The following PDE3B variants were observed in gnomAD, a reference collection of about 807,000 sequenced individuals.
The protein encoded by PDE3B is cGMP-inhibited 3',5'-cyclic phosphodiesterase 3B.
PDE3B carries 66 observed loss-of-function variants against 116.8 expected under a neutral mutation model. That is an observed-to-expected ratio of 0.56 (90% CI 0.46 to 0.69). PDE3B has a LOEUF of 0.69. PDE3B is among the 30% of genes least tolerant of loss of function. The pLI is 0.00. For missense variants in PDE3B, 1,384 were observed against 1,368.1 expected, an observed-to-expected ratio of 1.01 and a Z score of -0.18; for synonymous variants, 595 against 533.6, an observed-to-expected ratio of 1.12 and a Z score of -1.59.
intron 1 of PDE3B, among the ~76,000 whole-genome samples, chr11:14,687,895 A>G (rs1854921413): frequency 6.6e-6 from 1 of 152,172 alleles, no homozygotes; most frequent in Non-Finnish European, 1.5e-5. Flanking sequence ...TCATCAACAT[A>G]CAATTTCTTT....
chr11:14,722,327 G>A (rs966781967), intron 1 of PDE3B, among the ~76,000 whole-genome samples: 1 of 151,660 alleles, frequency 6.6e-6, no homozygotes, highest in African/African-American at 2.4e-5. Context: ...AAAAAGAAAA[G>A]GGGAAAAATC....
intron 1 of PDE3B, among the ~76,000 whole-genome samples, chr11:14,672,164 A>C (rs1391559844): frequency 6.6e-6 from 1 of 151,248 alleles, no homozygotes; most frequent in Non-Finnish European, 1.5e-5. Context: ...TGAGTTTCTT[A>C]AGCACAAGGA....
intron 1 of PDE3B, among the ~76,000 whole-genome samples, chr11:14,749,825 T>G (rs929659780): frequency 1.4e-4 from 20 of 141,132 alleles, no homozygotes; most frequent in African/African-American, 5.2e-4. Context: ...TCCTCCTATA[T>G]CCCATAAATA....
At chr11:14,660,919 A>G (rs562778206) in intron 1 of PDE3B, among the ~76,000 whole-genome samples, 1 of 152,336 alleles carries the variant, frequency 6.6e-6, no homozygotes, top group East Asian at 1.9e-4. Context: ...ACATGAAAAA[A>G]TGCTCATCAT....
rs1853323894 is a variant in PDE3B at position 14,644,626 on chromosome 11, C to T, written c.551C>T (p.Ala184Val). The T allele has an allele frequency of 3.3e-6, 5 of 1,519,596 alleles. No homozygotes were observed. Among genetic ancestry groups the T allele is most frequent in the Non-Finnish European group, 4.4e-6 (5 of 1,136,354 alleles). The allele number at this position is 1,519,596 out of a possible 1,614,324, so 94.1% of individuals were successfully genotyped here. Residue 184 changes from alanine (A) to valine (V), a missense_variant, in exon 1 of 16, where the codon GCG becomes GTG. Coordinates refer to ENST00000282096, the MANE Select transcript of PDE3B (RefSeq NM_000922.4). ...TGGGGGGATGGCGACGCAGGGTCCG[C>T]GGCCCCGCACACGCCCCCGGAGGCG... ...WPWGDGDAGS[A>V]APHTPPEAAA...
At chr11:14,737,190 G>T (rs1285583775) in intron 1 of PDE3B, among the ~76,000 whole-genome samples, 1 of 129,820 alleles carries the variant, frequency 7.7e-6, no homozygotes, top group Non-Finnish European at 1.6e-5. Flanking sequence ...AGACCAACAG[G>T]CTGCCTTCTT....
chr11:14,743,745 G>C (rs73412663), intron 1 of PDE3B, among the ~76,000 whole-genome samples: 1 of 152,070 alleles, frequency 6.6e-6, no homozygotes, highest in African/African-American at 2.4e-5. Context: ...TGGGAAATGC[G>C]TACTATCTGG....
chr11:14,859,922 T>G (rs1423828757), intron 13 of PDE3B, among the ~76,000 whole-genome samples: 1 of 152,152 alleles, frequency 6.6e-6, no homozygotes, highest in Non-Finnish European at 1.5e-5. Context: ...TGAGAACCAC[T>G]GCTTTAGATT....
At chr11:14,802,339 T>C (rs954147395) in intron 4 of PDE3B, among the ~76,000 whole-genome samples, 3 of 152,174 alleles carry the variant, frequency 2.0e-5, no homozygotes, top group African/African-American at 7.2e-5. Flanking sequence ...AAGCGTAGTA[T>C]CTGGGCTGGA....
intron 4 of PDE3B, among the ~76,000 whole-genome samples, chr11:14,799,878 T>C (rs1220560970): frequency 5.3e-5 from 8 of 152,136 alleles, no homozygotes; most frequent in Non-Finnish European, 1.0e-4. Context: ...CTGATGGGTC[T>C]TGACTATCCA....
chr11:14,728,897 T>C (rs529753603), intron 1 of PDE3B, among the ~76,000 whole-genome samples: 40 of 152,252 alleles, frequency 2.6e-4, no homozygotes, highest in African/African-American at 9.1e-4. Flanking sequence ...AAAGTAATTA[T>C]AGGAGGTCTT....
chr11:14,736,978 A>G (rs969647893), intron 1 of PDE3B, among the ~76,000 whole-genome samples: 1 of 152,234 alleles, frequency 6.6e-6, no homozygotes, highest in African/African-American at 2.4e-5. Context: ...TTTCAAGTCC[A>G]CCATGTACTA....
At chr11:14,694,236 A>G (rs756190448) in intron 1 of PDE3B, among the ~76,000 whole-genome samples, 2 of 152,224 alleles carry the variant, frequency 1.3e-5, no homozygotes, top group Non-Finnish European at 2.9e-5. Flanking sequence ...AATGACAACA[A>G]TGGGTTTACA....
chr11:14,780,567 T>G (rs1857959259), intron 2 of PDE3B, among the ~76,000 whole-genome samples: 1 of 152,104 alleles, frequency 6.6e-6, no homozygotes, highest in South Asian at 2.1e-4. Context: ...GAGTGACTAA[T>G]GGGTAAATAA....
chr11:14,892,821 C>T, the PDE3B span, among the ~76,000 whole-genome samples: 7 of 152,150 alleles, frequency 4.6e-5, no homozygotes, highest in African/African-American at 1.7e-4. Context: ...ACTCAGTTTA[C>T]CTATATTTGA....
Position 14,830,790 on chromosome 11 carries a change from T to C in PDE3B, c.1900T>C (p.Phe634Leu). ...ETEKKDSRKL[F>L]QEGDKWLTEE... ...AGAGAAGAAAGACAGCAGAAAATTA[T>C]TTCAGGAAGGTGATAAGTGGCTAAC... The change falls in exon 8 of 16, where the codon TTT (phenylalanine) becomes CTT (leucine). Residue 634 changes from phenylalanine to leucine, a missense_variant. Phe to Leu is a conservative substitution (Grantham distance 22, BLOSUM62 0). Transcript: ENST00000282096. The C allele has an allele frequency of 6.5e-7, 1 of 1,540,852 alleles. No individual in the cohort carries two copies.
chr11:14,760,359 A>G (rs550386951), intron 1 of PDE3B, among the ~76,000 whole-genome samples: 9 of 152,338 alleles, frequency 5.9e-5, no homozygotes, highest in African/African-American at 2.2e-4. Flanking sequence ...TTATTAAACA[A>G]TGATTATGTG....
chr11:14,758,957 A>T (rs1191168601), intron 1 of PDE3B, among the ~76,000 whole-genome samples: 1 of 151,978 alleles, frequency 6.6e-6, no homozygotes, highest in Non-Finnish European at 1.5e-5. Flanking sequence ...TACCTAATTT[A>T]TTGAGAGTTT....
chr11:14,729,640 T>C (rs1856402019), intron 1 of PDE3B, among the ~76,000 whole-genome samples: 1 of 152,216 alleles, frequency 6.6e-6, no homozygotes, highest in African/African-American at 2.4e-5. Flanking sequence ...TAATGTGAGA[T>C]AAATATGACT....
Sources: allele counts gnomAD v4.1 joint callset (sites outside exome capture counted in the v4.1 genomes callset), GRCh38; gene constraint gnomAD v4.1.1; transcripts MANE v1.5; gene names NCBI Gene and HGNC (gene_info 2026-07-23, HGNC 2026-07-21).